Variants in WLS observed in about 807,000 individuals in gnomAD.
WLS encodes the protein Wnt ligand secretion mediator.
Under a neutral mutation model 62.8 loss-of-function variants are expected in WLS, and 23 were observed. That is an observed-to-expected ratio of 0.37 (90% CI 0.26 to 0.52). The LOEUF (loss-of-function observed/expected upper bound fraction) is 0.52. Ranked by LOEUF, WLS falls within the 20% of genes least tolerant of loss-of-function variation. The pLI is 0.92. For missense variants in WLS, 615 were observed against 697.3 expected (o/e 0.88, Z 1.33); for synonymous variants, 246 against 244.1 (o/e 1.01, Z -0.07).
intron 2 of WLS, among the ~76,000 whole-genome samples, chr1:68,178,639 G>A (rs946753094): frequency 6.6e-6 from 1 of 151,406 alleles, no homozygotes; most frequent in Non-Finnish European, 1.5e-5. Context: ...CCAGGAGGGG[G>A]AGGTTGCGGT....
At chr1:68,170,160 C>CTT (rs571306573) in intron 2 of WLS, among the ~76,000 whole-genome samples, 11,224 of 86,484 alleles carry the variant, frequency 0.13, 749 homozygotes, top group Middle Eastern at 0.19. Flanking sequence ...GCTACTATTT[C>CTT]TTTTTTTTTT....
intron 1 of WLS, among the ~76,000 whole-genome samples, chr1:68,229,809 A>G (rs1033486033): frequency 2.6e-5 from 4 of 152,218 alleles, no homozygotes; most frequent in African/African-American, 9.7e-5. Flanking sequence ...AGCCTTTGCA[A>G]TTGAGGAAGG....
At chr1:68,140,662 A>T (rs1646672348) in intron 10 of WLS, among the ~76,000 whole-genome samples, 1 of 152,178 alleles carries the variant, frequency 6.6e-6, no homozygotes, top group Non-Finnish European at 1.5e-5. Flanking sequence ...TTGCAGAATT[A>T]CACACCCTAC....
intron 5 of WLS, among the ~76,000 whole-genome samples, 196 bp from the exon 6 acceptor site, chr1:68,150,552 A>C (rs1202022245): frequency 6.6e-6 from 1 of 152,146 alleles, no homozygotes; most frequent in Non-Finnish European, 1.5e-5. Flanking sequence ...TGCTATACCA[A>C]CCTTTCTATG....
chr1:68,154,596 C>T (rs562990516), intron 4 of WLS, among the ~76,000 whole-genome samples: 1 of 152,306 alleles, frequency 6.6e-6, no homozygotes, highest in East Asian at 1.9e-4. Flanking sequence ...GATTATTTCT[C>T]TAAATAGTAG....
chr1:68,129,792 G>A (rs1256762319), intron 11 of WLS, among the ~76,000 whole-genome samples: 1 of 152,102 alleles, frequency 6.6e-6, no homozygotes, highest in African/African-American at 2.4e-5. Context: ...GCACAAACAT[G>A]CTCAAAAGTC....
At position 68,176,938 on chromosome 1, in the gene WLS, T is replaced by C. The variant is rs542288644; in HGVS notation, c.379+17017A>G. 7.9e-5 allele frequency among the ~76,000 whole-genome samples: 12 copies of C among 152,332 alleles called. No homozygotes were observed. The East Asian group carries it at 1.9e-3, about 24-fold the overall frequency. ...CTCTATACCTAATGCCTTTGCTGAG[T>C]TACCTTCATCCAAAAGAATGTTCCC... On this transcript the variant is annotated intron_variant, in intron 2 of 11. Coordinates refer to ENST00000262348, the MANE Select transcript of WLS (RefSeq NM_024911.7).
chr1:68,146,045 A>G (rs1262973691), intron 8 of WLS, 33 bp from the exon 9 acceptor site: 6 of 1,608,968 alleles, frequency 3.7e-6, no homozygotes, highest in Non-Finnish European at 5.1e-6. Context: ...ACAACGGGCT[A>G]GCCAAGGCCA....
chr1:68,214,969 C>G (rs1172410494), intron 1 of WLS, among the ~76,000 whole-genome samples: 3 of 152,290 alleles, frequency 2.0e-5, no homozygotes, highest in East Asian at 3.9e-4. Context: ...GAGAGGACAT[C>G]TCTTCCTGGT....
intron 11 of WLS, among the ~76,000 whole-genome samples, chr1:68,111,288 A>AC (rs535645942): frequency 3.2e-4 from 49 of 152,332 alleles, no homozygotes; most frequent in African/African-American, 1.2e-3. Context: ...CAATGCAGAA[A>AC]CCTAGAGAAT....
intron 11 of WLS, among the ~76,000 whole-genome samples, chr1:68,134,710 T>G (rs1646580176): frequency 6.6e-6 from 1 of 152,234 alleles, no homozygotes; most frequent in Admixed American, 6.5e-5. Context: ...AGCAGAGGAT[T>G]CAGGGGATAT....
intron 1 of WLS, among the ~76,000 whole-genome samples, chr1:68,213,827 C>T: frequency 6.6e-6 from 1 of 152,102 alleles, no homozygotes. Flanking sequence ...CTTCTGTAGC[C>T]CATGGCTAAC....
At chr1:68,219,489 T>C (rs899670468) in intron 1 of WLS, among the ~76,000 whole-genome samples, 2 of 152,162 alleles carry the variant, frequency 1.3e-5, no homozygotes, top group African/African-American at 4.8e-5. Context: ...AAAACCCTCC[T>C]CCCATTTAAA....
chr1:68,214,199 A>ACACACACACACACACACG (rs761676326), intron 1 of WLS, among the ~76,000 whole-genome samples: 1,848 of 151,938 alleles, frequency 0.012, 31 homozygotes, highest in Non-Finnish European at 0.018. Context: ...ACACACACAC[A>ACACACACACACACACACG]CACACACACA....
chr1:68,172,269 CCTGCACATT>C (rs1647165354), intron 2 of WLS, among the ~76,000 whole-genome samples: 1 of 151,130 alleles, frequency 6.6e-6, no homozygotes, highest in African/African-American at 2.4e-5. Flanking sequence ...ATGTAACAAA[CCTGCACATT>C]CTGCACATGT....
chr1:68,187,116 G>T (rs1378534131), intron 2 of WLS, among the ~76,000 whole-genome samples: 1 of 149,260 alleles, frequency 6.7e-6, no homozygotes, highest in African/African-American at 2.5e-5. Flanking sequence ...GGGAGGCTGA[G>T]GCAGGAGAAT....
intron 1 of WLS, among the ~76,000 whole-genome samples, chr1:68,226,386 A>T (rs1269397460): frequency 6.6e-6 from 1 of 152,200 alleles, no homozygotes; most frequent in African/African-American, 2.4e-5. Context: ...GGGTACAAAA[A>T]TACCAATTTG....
Position 68,147,729 on chromosome 1 carries a change from C to T in WLS, c.1134+407G>A, listed in dbSNP as rs1407827481. 3.9e-5 allele frequency among the ~76,000 whole-genome samples: 6 copies of T among 152,252 alleles called. No homozygotes were observed. In the South Asian group the frequency reaches 1.2e-3, roughly 32 times the overall value. ...GCAGCAGTGTGATTTGCCAGCACAC[C>T]AAGGTCACTTAAGAAGTCTCACACA... On this transcript the variant is annotated intron_variant, in intron 8 of 11. Transcript: ENST00000262348.
intron 2 of WLS, among the ~76,000 whole-genome samples, chr1:68,184,781 G>A (rs1377339330): frequency 2.6e-5 from 4 of 152,148 alleles, no homozygotes; most frequent in East Asian, 1.9e-4. Context: ...GTTCATATTT[G>A]TAATTGGTAT....
Sources: gnomAD v4.1 joint callset for allele counts (sites outside exome capture counted in the v4.1 genomes callset) on GRCh38, gnomAD v4.1.1 for gene constraint, MANE v1.5 for transcripts, NCBI Gene and HGNC (gene_info 2026-07-23, HGNC 2026-07-21) for gene names.